Variants in NDUFAF2 observed in about 807,000 individuals in gnomAD.
The protein encoded by NDUFAF2 is NADH:ubiquinone oxidoreductase complex assembly factor 2, also known as NADH dehydrogenase [ubiquinone] 1 alpha subcomplex assembly factor 2.
Under a neutral mutation model 22.8 loss-of-function variants are expected in NDUFAF2, and 13 were observed. The ratio of observed to expected loss-of-function variants is 0.57; its 90% CI spans 0.37 to 0.91. The LOEUF (loss-of-function observed/expected upper bound fraction) is 0.91, where lower values mean the gene tolerates loss of function less well. Ranked by LOEUF, NDUFAF2 falls within the 40% of genes least tolerant of loss-of-function variation. NDUFAF2 has a pLI of 0.01. For missense variants in NDUFAF2, 162 were observed against 195.2 expected, an observed-to-expected ratio of 0.83 and a Z score of 1.01; for synonymous variants, 53 against 64.2, an observed-to-expected ratio of 0.83 and a Z score of 0.84.
chr5:61,042,303 TA>T (rs928317735), intron 1 of NDUFAF2, among the ~76,000 whole-genome samples: 4 of 152,016 alleles, frequency 2.6e-5, no homozygotes, highest in African/African-American at 7.2e-5. Context: ...ATACAGCTGT[TA>T]AAAAAAGATA....
At chr5:61,032,053 T>C (rs34594) in intron 1 of NDUFAF2, among the ~76,000 whole-genome samples, 102,940 of 152,098 alleles carry the variant, frequency 0.68, 35,188 homozygotes, top group East Asian at 0.94. Flanking sequence ...TCATATCCTT[T>C]GCCCACTTTT....
chr5:61,031,026 T>C (rs959280069), intron 1 of NDUFAF2, among the ~76,000 whole-genome samples: 1 of 152,142 alleles, frequency 6.6e-6, no homozygotes, highest in Admixed American at 6.6e-5. Context: ...GTTAGTTCCT[T>C]TGGCTGCTTT....
At chr5:61,041,947 C>T (rs1751888613) in intron 1 of NDUFAF2, among the ~76,000 whole-genome samples, 2 of 152,304 alleles carry the variant, frequency 1.3e-5, no homozygotes, top group East Asian at 1.9e-4. Flanking sequence ...TGAAGTCTGA[C>T]AGTTTTCCTG....
At chr5:60,967,668 AT>A (rs1750775428) in intron 1 of NDUFAF2, among the ~76,000 whole-genome samples, 1 of 151,830 alleles carries the variant, frequency 6.6e-6, no homozygotes, top group Non-Finnish European at 1.5e-5. Flanking sequence ...TTGGCAAACC[AT>A]TCTTGCTTTC....
intron 3 of NDUFAF2, among the ~76,000 whole-genome samples, chr5:61,128,234 A>G (rs1753062859): frequency 6.6e-6 from 1 of 152,202 alleles, no homozygotes; most frequent in African/African-American, 2.4e-5. Context: ...AAGGTAATTT[A>G]TAGATTCAAT....
chr5:61,132,152 A>G (rs116667823), intron 3 of NDUFAF2, among the ~76,000 whole-genome samples: 62 of 152,288 alleles, frequency 4.1e-4, no homozygotes, highest in Admixed American at 7.9e-4. Context: ...TGATTTGTCT[A>G]TTTATAGTTT....
At chr5:61,005,010 C>G (rs1751347593) in intron 1 of NDUFAF2, among the ~76,000 whole-genome samples, 1 of 151,854 alleles carries the variant, frequency 6.6e-6, no homozygotes, top group Non-Finnish European at 1.5e-5. Context: ...CATGTGTATA[C>G]ATGTGCCATG....
chr5:61,073,071 A>G, intron 1 of NDUFAF2, 54 bp from the exon 2 acceptor site: 1 of 1,065,530 alleles, frequency 9.4e-7, no homozygotes. Flanking sequence ...TTAATTGTAG[A>G]ACTACTGTAT....
At chr5:61,099,573 G>C (rs1351752825) in intron 3 of NDUFAF2, among the ~76,000 whole-genome samples, 2 of 151,202 alleles carry the variant, frequency 1.3e-5, no homozygotes, top group African/African-American at 4.8e-5. Context: ...TTTGTAGTCA[G>C]TGATAAACAA....
At chr5:61,123,494 A>G (rs143832264) in intron 3 of NDUFAF2, among the ~76,000 whole-genome samples, 2 of 152,200 alleles carry the variant, frequency 1.3e-5, no homozygotes, top group African/African-American at 4.8e-5. Flanking sequence ...TCTAAACAGA[A>G]AAGGCACAGT....
chr5:60,954,857 T>C (rs1750595384), intron 1 of NDUFAF2, among the ~76,000 whole-genome samples: 1 of 152,154 alleles, frequency 6.6e-6, no homozygotes, highest in Admixed American at 6.5e-5. Flanking sequence ...CCTTTTCATA[T>C]ACTTGTTGGC....
intron 1 of NDUFAF2, among the ~76,000 whole-genome samples, chr5:60,962,146 T>C (rs1750695089): frequency 6.6e-6 from 1 of 151,796 alleles, no homozygotes; most frequent in Non-Finnish European, 1.5e-5. Context: ...GCAACATATC[T>C]TTCACCTCAC....
At chr5:61,089,913 A>AT (rs570175512) in intron 2 of NDUFAF2, among the ~76,000 whole-genome samples, 48 of 149,474 alleles carry the variant, frequency 3.2e-4, no homozygotes, top group South Asian at 4.3e-4. Context: ...CAATTGAAGT[A>AT]TTTTTTTTTT....
intron 1 of NDUFAF2, among the ~76,000 whole-genome samples, chr5:61,040,043 T>C (rs1751851167): frequency 6.6e-6 from 1 of 152,138 alleles, no homozygotes; most frequent in Non-Finnish European, 1.5e-5. Flanking sequence ...TTACACAACC[T>C]GGCAAGTATT....
rs78088460 is a variant in NDUFAF2, at chr5:61,052,022, G to A, written c.128-21103G>A. On this transcript the variant is annotated intron_variant, in intron 1 of 3. Transcript: ENST00000296597. ...CTATTTTTTCTTTTCCAAAAATAAA[G>A]TAGCTTTATTTTGCTTTCATTCGAA... Among the ~76,000 whole-genome samples the A allele has an allele frequency of 5.4e-3, 825 of 152,194 alleles. 10 individuals are homozygous for A. The highest frequency in any genetic ancestry group is 0.019 in the African/African-American group (796 of 41,540).
intron 1 of NDUFAF2, among the ~76,000 whole-genome samples, chr5:60,954,919 T>G (rs769832065): frequency 6.6e-6 from 1 of 152,222 alleles, no homozygotes; most frequent in Non-Finnish European, 1.5e-5. Flanking sequence ...TTGCCCATTT[T>G]AAAATCAATT....
At chr5:61,090,646 A>G (rs1264138553) in intron 2 of NDUFAF2, among the ~76,000 whole-genome samples, 1 of 152,128 alleles carries the variant, frequency 6.6e-6, no homozygotes, top group Non-Finnish European at 1.5e-5. Context: ...GCTGTTTTCT[A>G]GAAAAAAAAT....
intron 1 of NDUFAF2, among the ~76,000 whole-genome samples, chr5:61,005,467 T>C (rs1388025560): frequency 6.6e-6 from 1 of 152,220 alleles, no homozygotes; most frequent in Non-Finnish European, 1.5e-5. Flanking sequence ...ATGGGATGGC[T>C]GGGTCAAATG....
chr5:61,005,537 A>T (rs907832861), intron 1 of NDUFAF2, among the ~76,000 whole-genome samples: 13 of 152,204 alleles, frequency 8.5e-5, no homozygotes, highest in African/African-American at 2.9e-4. Flanking sequence ...TGGTTGAACT[A>T]GTTCACAGTC....
Sources: gnomAD v4.1 joint callset for allele counts (sites outside exome capture counted in the v4.1 genomes callset) on GRCh38, gnomAD v4.1.1 for gene constraint, MANE v1.5 for transcripts, NCBI Gene and HGNC (gene_info 2026-07-23, HGNC 2026-07-21) for gene names.